The following ADAMTS20 variants were observed in gnomAD, a reference collection of about 807,000 sequenced individuals.
The protein encoded by ADAMTS20 is A disintegrin and metalloproteinase with thrombospondin motifs 20.
In ADAMTS20, 225 loss-of-function variants were observed where a neutral mutation model predicts 260.1. The ratio of observed to expected loss-of-function variants is 0.87; its 90% confidence interval spans 0.78 to 0.97. The LOEUF is 0.97. Among genes scored for constraint, ADAMTS20 ranks in the 50% least tolerant of loss-of-function variants. The pLI, the probability that ADAMTS20 is intolerant of heterozygous loss-of-function variation, is 0.00. For synonymous variants in ADAMTS20, 802 were observed against 769.5 expected, an observed-to-expected ratio of 1.04 and a Z score of -0.70; for missense variants, 2,400 against 2,337.7, an observed-to-expected ratio of 1.03 and a Z score of -0.55.
Position 43,425,636 on chromosome 12 carries a change from G to A in ADAMTS20, c.4162C>T (p.Pro1388Ser), listed in dbSNP as rs546541108. 3.7e-6 allele frequency: 6 copies of A among 1,609,860 alleles called. No individual in the cohort carries two copies. Among genetic ancestry groups the A allele is most frequent in the South Asian group, 3.3e-5 (3 of 90,536 alleles). Residue 1388 changes from proline (P) to serine (S), a missense_variant, in exon 28 of 39, where the codon CCC becomes TCC. Pro to Ser is a moderately conservative substitution (Grantham distance 74, BLOSUM62 -1). Transcript: ENST00000389420. ...TGATCTTCTAATATTTGGCCATTGG[G>A]AAATTGACATATTACAAGTCTTGAT... ...IKSRLVICQFPNGQILEDHNC... is the reference protein window; with the variant it reads ...IKSRLVICQFSNGQILEDHNC...
chr12:43,399,184 A>G lies in ADAMTS20; in HGVS notation c.4334T>C (p.Ile1445Thr), dbSNP rs773376084. 47 of 1,582,092 alleles carry G rather than the reference A, an allele frequency of 3.0e-5. No homozygotes were observed. The highest frequency in any genetic ancestry group is 3.8e-5 in the Non-Finnish European group (44 of 1,163,008). The stretch of plus-strand genomic sequence containing the variant: ...TTCTAATTTCCTTTGGAATTGGTCA[A>G]TGCAAAACACTTCACGGTACTTTCT... ...KGRKYREVFC[I>T]DQFQRKLEDT... Residue 1445 changes from isoleucine to threonine, a missense_variant, in exon 29 of 39, where the codon ATT (isoleucine) becomes ACT (threonine). Coordinates refer to ENST00000389420, the MANE Select transcript of ADAMTS20 (RefSeq NM_025003.5).
chr12:43,374,486 G>C (rs748487526), intron 36 of ADAMTS20, among the ~76,000 whole-genome samples: 9 of 152,154 alleles, frequency 5.9e-5, no homozygotes, highest in East Asian at 3.9e-4. Flanking sequence ...AATACGTTTT[G>C]ACTTGATTGT....
intron 37 of ADAMTS20, among the ~76,000 whole-genome samples, chr12:43,358,433 A>G (rs1242421433): frequency 6.6e-6 from 1 of 152,208 alleles, no homozygotes; most frequent in Non-Finnish European, 1.5e-5. Flanking sequence ...GTAAAAATAC[A>G]TCTCACTCAT....
chr12:43,479,709 T>C (rs974295058), intron 7 of ADAMTS20, among the ~76,000 whole-genome samples: 4 of 152,048 alleles, frequency 2.6e-5, no homozygotes, highest in Admixed American at 6.5e-5. Flanking sequence ...AAATTGATAG[T>C]CTCAAATAAT....
intron 28 of ADAMTS20, among the ~76,000 whole-genome samples, chr12:43,413,964 CT>C (rs571317114): frequency 7.1e-4 from 108 of 152,218 alleles, no homozygotes; most frequent in African/African-American, 2.3e-3. Context: ...ATTTTTTAAC[CT>C]CCTGTAATAA....
intron 37 of ADAMTS20, among the ~76,000 whole-genome samples, chr12:43,357,869 A>G (rs1939778135): frequency 6.6e-6 from 1 of 152,196 alleles, no homozygotes; most frequent in African/African-American, 2.4e-5. Context: ...TCAGACTCTG[A>G]TAATGAATGA....
chr12:43,409,560 C>T (rs543471528), intron 28 of ADAMTS20, among the ~76,000 whole-genome samples: 43 of 123,838 alleles, frequency 3.5e-4, no homozygotes, highest in Non-Finnish European at 4.6e-4. Context: ...CGAGATCCCG[C>T]CACTGCACTC....
chr12:43,378,590 C>T (rs894445898), intron 31 of ADAMTS20, among the ~76,000 whole-genome samples: 1 of 152,134 alleles, frequency 6.6e-6, no homozygotes, highest in African/African-American at 2.4e-5. Flanking sequence ...TGTTCTCCAA[C>T]AAAATTAATG....
chr12:43,377,092 A>G (rs1394274988), intron 32 of ADAMTS20, among the ~76,000 whole-genome samples: 1 of 152,244 alleles, frequency 6.6e-6, no homozygotes, highest in African/African-American at 2.4e-5. Context: ...ACCAATAAAT[A>G]TTTCTTAAGC....
chr12:43,443,770 T>C (rs377086978), intron 16 of ADAMTS20, 21 bp downstream of exon 16: 301 of 1,592,614 alleles, frequency 1.9e-4, no homozygotes, highest in Non-Finnish European at 2.4e-4. Context: ...ATACTGGCTG[T>C]TGTTTACGAG....
At chr12:43,357,591 T>G (rs968355859) in intron 37 of ADAMTS20, among the ~76,000 whole-genome samples, 11 of 152,172 alleles carry the variant, frequency 7.2e-5, no homozygotes, top group African/African-American at 2.7e-4. Context: ...AATATTCGCA[T>G]AAAACAATGA....
intron 15 of ADAMTS20, among the ~76,000 whole-genome samples, chr12:43,444,666 G>T (rs1324208619): frequency 6.6e-6 from 1 of 151,960 alleles, no homozygotes; most frequent in Non-Finnish European, 1.5e-5. Context: ...AAATACGCAG[G>T]TTTTTAAATA....
At chr12:43,546,668 GGATATT>G (rs1222905509) in intron 2 of ADAMTS20, among the ~76,000 whole-genome samples, 1 of 152,080 alleles carries the variant, frequency 6.6e-6, no homozygotes, top group Non-Finnish European at 1.5e-5. Flanking sequence ...TTGGATATAG[GGATATT>G]AAGTCCTGGT....
At chr12:43,396,084 G>C (rs1193724473) in intron 29 of ADAMTS20, among the ~76,000 whole-genome samples, 2 of 151,668 alleles carry the variant, frequency 1.3e-5, no homozygotes, top group Non-Finnish European at 2.9e-5. Flanking sequence ...TCTTTTAAAT[G>C]ATTCAATTAT....
At chr12:43,445,747 G>A (rs1479046566) in intron 15 of ADAMTS20, among the ~76,000 whole-genome samples, 3 of 152,154 alleles carry the variant, frequency 2.0e-5, no homozygotes, top group East Asian at 3.9e-4. Flanking sequence ...AGGTACTGGG[G>A]ATGAGGAGGT....
chr12:43,532,749 C>A (rs1416374855), intron 2 of ADAMTS20, among the ~76,000 whole-genome samples: 1 of 79,798 alleles, frequency 1.3e-5, no homozygotes, highest in Non-Finnish European at 2.5e-5. Context: ...ATTCCCCTTC[C>A]TGTGTCCATG....
intron 4 of ADAMTS20, among the ~76,000 whole-genome samples, chr12:43,501,500 CACAT>C (rs55663949): frequency 0.13 from 18,874 of 150,570 alleles, 1,775 homozygotes; most frequent in African/African-American, 0.25. Context: ...CACACACACA[CACAT>C]GTAAGGATGA....
chr12:43,428,191 G>A (rs1484338951), intron 26 of ADAMTS20, 50 bp downstream of exon 26: 4 of 1,569,288 alleles, frequency 2.5e-6, no homozygotes, highest in Non-Finnish European at 3.5e-6. Flanking sequence ...TTAAAAGGAT[G>A]TAATATAACA....
rs767820274 is a variant in ADAMTS20, at chr12:43,452,296, A to T, written c.2057T>A (p.Ile686Asn). The change falls in exon 14 of 39, where the codon ATC (isoleucine) becomes AAC (asparagine). Residue 686 changes from isoleucine to asparagine, a missense_variant. Physicochemically the swap from Ile to Asn is moderately radical, Grantham distance 149. Transcript: ENST00000389420. Reference protein sequence around the residue: ...GTPCGTETHDICVQGQCMAAG... With the variant: ...GTPCGTETHDNCVQGQCMAAG... ...TACCATACACTGGCCTTGAACACAG[A>T]TGTCATGAGTTTCAGTTCCACAAGG... 6.2e-7 allele frequency: 1 copy of T among 1,612,168 alleles called. No homozygotes were observed. The highest frequency in any genetic ancestry group is 2.2e-5 in the East Asian group (1 of 44,846).
Sources: allele counts gnomAD v4.1 joint callset (sites outside exome capture counted in the v4.1 genomes callset), GRCh38; gene constraint gnomAD v4.1.1; transcripts MANE v1.5; gene names NCBI Gene and HGNC (gene_info 2026-07-23, HGNC 2026-07-21).